The following SELE variants were observed in gnomAD, a reference collection of about 807,000 sequenced individuals.
The protein encoded by SELE is selectin E, also known as E-selectin.
In SELE, 52 loss-of-function variants were observed where a neutral mutation model predicts 75.8. The ratio of observed to expected loss-of-function variants is 0.69; its 90% CI spans 0.55 to 0.86. The LOEUF (loss-of-function observed/expected upper bound fraction) is 0.86, where lower values mean the gene tolerates loss of function less well. Among genes scored for constraint, SELE ranks in the 40% least tolerant of loss-of-function variants. The probability of loss-of-function intolerance (pLI) is 0.00; values close to 1 mark genes in which losing one functional copy is unlikely to be tolerated. For missense variants in SELE, 754 were observed against 732.7 expected (o/e 1.03, Z -0.34); for synonymous variants, 285 against 258.7 (o/e 1.10, Z -0.98).
At position 169,723,550 on chromosome 1, in the gene SELE, A is replaced by G. The variant is rs1268990753; in HGVS notation, c.*975T>C. ...TCATCGTGGAAACCACATATTTCTG[A>G]AAAAATATCTGACAATATACAAACC... On this transcript the variant is annotated 3_prime_UTR_variant, in exon 14 of 14. Transcript: ENST00000333360. The G allele has an allele frequency of 1.3e-5, 2 of 152,250 alleles. No individual in the cohort carries two copies. Among genetic ancestry groups the G allele is most frequent in the East Asian group, 1.9e-4 (1 of 5,204 alleles). The allele number at this position is 152,250 out of a possible 1,614,324, so 9.4% of individuals were successfully genotyped here.
At position 169,728,103 on chromosome 1, in the gene SELE, A is replaced by G; in HGVS notation, c.1234T>C (p.Cys412Arg). The G allele has an allele frequency of 1.2e-6, 2 of 1,614,220 alleles. No homozygotes were observed. The highest frequency in any genetic ancestry group is 2.7e-5 in the African/African-American group (2 of 75,054). ...TTGTCCCACTCCCCTGTGGGGCCAC[A>G]TTGGAGCCTTTTGGATCCCTTCAAC... ...FVLKGSKRLQ[C>R]GPTGEWDNEK... The change falls in exon 8 of 14, where the codon TGT (cysteine) becomes CGT (arginine). Residue 412 changes from cysteine to arginine, a missense_variant. Coordinates refer to ENST00000333360, the MANE Select transcript of SELE (RefSeq NM_000450.2).
Position 169,732,868 on chromosome 1 carries a change from A to G in SELE, c.168T>C (p.Ile56=), listed in dbSNP as rs1240056212. The G allele has an allele frequency of 1.9e-6, 3 of 1,614,058 alleles. No homozygotes were observed. Among genetic ancestry groups the G allele is most frequent in the Non-Finnish European group, 2.5e-6 (3 of 1,180,034 alleles). The change falls in exon 3 of 14, where the codon ATT becomes ATC. Residue 56 remains isoleucine, a synonymous_variant. Transcript: ENST00000333360. Reference sequence around the variant, plus strand: ...AGCTCAATATGGAGTTTAGGTACTCAATCTCTTCTTTGTTTTGAATTGCAA... The same window carrying G: ...AGCTCAATATGGAGTTTAGGTACTCGATCTCTTCTTTGTTTTGAATTGCAA... ...HLVAIQNKEE[I]EYLNSILSYS...
intron 4 of SELE, chr1:169,731,630 A>G (rs1357843347): frequency 8.0e-6 from 4 of 502,574 alleles, no homozygotes; most frequent in Non-Finnish European, 1.1e-5. Flanking sequence ...GAGTTAAACT[A>G]TCTTGTCAAG....
intron 5 of SELE, 112 bp downstream of exon 5, chr1:169,730,319 CA>C: frequency 2.0e-6 from 2 of 1,024,964 alleles, no homozygotes; most frequent in South Asian, 1.9e-5. Flanking sequence ...GTATTAAAAA[CA>C]AAAACAAAAA....
At chr1:169,731,479 T>C (rs1029187396) in intron 4 of SELE, 39 of 185,662 alleles carry the variant, frequency 2.1e-4, no homozygotes, top group African/African-American at 9.0e-4. Context: ...ACCACCTAGA[T>C]GAGGTGAGTA....
rs1648843651 is a variant in SELE, at chr1:169,729,068, G to T, written c.1090+118C>A. 6.1e-6 allele frequency: 5 copies of T among 819,172 alleles called. No individual in the cohort carries two copies. In the Admixed American group the frequency reaches 1.2e-4, roughly 20 times the overall value. The allele number at this position is 819,172 out of a possible 1,614,324, so 50.7% of individuals were successfully genotyped here. A position where few individuals can be genotyped will look rare whatever the true frequency, so the allele number is the denominator to read the frequency against. On this transcript the variant is annotated intron_variant, in intron 7 of 13. Transcript: ENST00000333360. ...TTTAAATGAATCTCAAAGATACGAG[G>T]GTTGCTCATCAAATCTGATTTCTAT... is the stretch of plus-strand genomic sequence containing the variant.
In SELE at chr1:169,728,105, T is replaced by C; in HGVS notation, c.1232A>G (p.Gln411Arg). Reference sequence around the variant, plus strand: ...GTCCCACTCCCCTGTGGGGCCACATTGGAGCCTTTTGGATCCCTTCAACAC... The same window carrying C: ...GTCCCACTCCCCTGTGGGGCCACATCGGAGCCTTTTGGATCCCTTCAACAC... The part of the protein sequence containing the change: ...GFVLKGSKRL[Q>R]CGPTGEWDNE... Residue 411 changes from glutamine to arginine, a missense_variant, in exon 8 of 14, where the codon CAA becomes CGA. Physicochemically the swap from Gln to Arg is conservative, Grantham distance 43. Transcript: ENST00000333360. The C allele has an allele frequency of 6.2e-7, 1 of 1,614,198 alleles. No homozygotes were observed. The highest frequency in any genetic ancestry group is 1.1e-5 in the South Asian group (1 of 91,086).
At chr1:169,729,704 A>G in intron 5 of SELE, 31 bp from the exon 6 acceptor site, 2 of 1,606,678 alleles carry the variant, frequency 1.2e-6, no homozygotes, top group Non-Finnish European at 1.7e-6. Context: ...CATGAATTTT[A>G]CAGAAGAATG....
rs1361405142 is a variant in SELE at position 169,734,005 on chromosome 1, C to T, written c.-83G>A. The T allele has an allele frequency of 4.9e-6, 1 of 205,828 alleles. No individual in the cohort carries two copies. The highest frequency in any genetic ancestry group is 9.9e-6 in the Non-Finnish European group (1 of 101,092). 12.8% of individuals were successfully genotyped at this position (205,828 alleles called of 1,614,324 possible). ...AAGCAGTTGTTCAAACACAGGATCT[C>T]TCAGGTGGGTATCACTGCTGCCTCT... On this transcript the variant is annotated 5_prime_UTR_variant, in exon 1 of 14. Transcript: ENST00000333360.
intron 6 of SELE, 56 bp downstream of exon 6, chr1:169,729,432 A>G (rs1448805177): frequency 1.9e-6 from 3 of 1,608,362 alleles, no homozygotes; most frequent in Non-Finnish European, 1.7e-6. Context: ...GCCCATTTCC[A>G]GTATGGGTTG....
chr1:169,723,683 T>C lies in SELE; in HGVS notation c.*842A>G, dbSNP rs1230294889. The C allele has an allele frequency of 3.9e-5, 6 of 152,202 alleles. No homozygotes were observed. Among genetic ancestry groups the C allele is most frequent in the African/African-American group, 1.2e-4 (5 of 41,446 alleles). The allele number at this position is 152,202 out of a possible 1,614,324, so 9.4% of individuals were successfully genotyped here. A position where few individuals can be genotyped will look rare whatever the true frequency, so the allele number is the denominator to read the frequency against. ...AACATCATGCCTTGCTAGGGGACAA[T>C]AGTTTCCCTTTTTGAAATAAATTTA... On this transcript the variant is annotated 3_prime_UTR_variant, in exon 14 of 14. Coordinates refer to ENST00000333360, the MANE Select transcript of SELE (RefSeq NM_000450.2).
At position 169,728,077 on chromosome 1, in the gene SELE, G is replaced by A. The variant is rs5365; in HGVS notation, c.1260C>T (p.Asn420=). ...CTGTACCTTCACATGTGGGCTTCTC[G>A]TTGTCCCACTCCCCTGTGGGGCCAC... ...LQCGPTGEWD[N]EKPTCEAVRC... Residue 420 remains asparagine (N), a synonymous_variant, in exon 8 of 14, where the codon AAC becomes AAT. Coordinates refer to ENST00000333360, the MANE Select transcript of SELE (RefSeq NM_000450.2). 3.5e-3 allele frequency: 5,600 copies of A among 1,612,778 alleles called. 172 individuals carry two copies. The African/African-American group carries it at 0.065, about 19-fold the overall frequency.
rs3917404 is a variant in SELE, at chr1:169,733,336, G to T, written c.37+240C>A. Among the ~76,000 whole-genome samples the T allele has an allele frequency of 1.7e-3, 262 of 152,128 alleles. 2 individuals are homozygous for T. The highest frequency in any genetic ancestry group is 6.1e-3 in the African/African-American group (252 of 41,536). On this transcript the variant is annotated intron_variant, in intron 2 of 13. Coordinates refer to ENST00000333360, the MANE Select transcript of SELE (RefSeq NM_000450.2). The stretch of plus-strand genomic sequence containing the variant: ...GGTACTTTCCATGAACCATGCTATT[G>T]AATCCTCACAATGCATCTGGGAAAT...
intron 3 of SELE, 92 bp downstream of exon 3, chr1:169,732,523 G>T (rs1325216218): frequency 4.1e-5 from 58 of 1,414,812 alleles, no homozygotes; most frequent in Non-Finnish European, 5.1e-5. Context: ...AACATAAAAT[G>T]ACCACAATAG....
In SELE at chr1:169,729,468, T is replaced by C; in HGVS notation, c.901+20A>G. 2 of 1,612,714 alleles carry C rather than the reference T, an allele frequency of 1.2e-6. No homozygotes were observed. The highest frequency in any genetic ancestry group is 1.7e-6 in the Non-Finnish European group (2 of 1,179,046). On this transcript the variant is annotated intron_variant, in intron 6 of 13. Transcript: ENST00000333360. ...AGAGAAAGAATGTTCACAGTAAGTC[T>C]CCATGTGGAACAACTCTACCTTTAC...
intron 4 of SELE, 79 bp from the exon 5 acceptor site, chr1:169,730,696 TG>T: frequency 8.4e-6 from 7 of 837,776 alleles, no homozygotes; most frequent in East Asian, 3.2e-5. Flanking sequence ...AACTACAGTT[TG>T]GTTTTTTTTT....
At position 169,723,992 on chromosome 1, in the gene SELE, C is replaced by T. The variant is rs1202223162; in HGVS notation, c.*533G>A. ...CAGTAGGATTTGCACCATTAACAACCCTCCATGCATTTGCCTGTGGGCATT... is the reference window on the plus strand; with the variant it reads ...CAGTAGGATTTGCACCATTAACAACTCTCCATGCATTTGCCTGTGGGCATT... On this transcript the variant is annotated 3_prime_UTR_variant, in exon 14 of 14. Coordinates refer to ENST00000333360, the MANE Select transcript of SELE (RefSeq NM_000450.2). 6.6e-6 allele frequency: 1 copy of T among 152,182 alleles called. No individual in the cohort carries two copies. The highest frequency in any genetic ancestry group is 1.5e-5 in the Non-Finnish European group (1 of 68,038). The allele number at this position is 152,182 out of a possible 1,614,324, so 9.4% of individuals were successfully genotyped here.
At chr1:169,724,784 A>G (rs572792263) in intron 13 of SELE, among the ~76,000 whole-genome samples, 1 of 152,352 alleles carries the variant, frequency 6.6e-6, no homozygotes, top group East Asian at 1.9e-4. Flanking sequence ...TAACACTAAT[A>G]TAAGATGTTA....
intron 2 of SELE, 34 bp from the exon 3 acceptor site, chr1:169,733,032 T>C (rs776074859): frequency 6.6e-7 from 1 of 1,517,614 alleles, no homozygotes; most frequent in Non-Finnish European, 8.8e-7. Flanking sequence ...ATGGTAGAGT[T>C]TGGTACTGTT....
Sources: allele counts gnomAD v4.1 joint callset (sites outside exome capture counted in the v4.1 genomes callset), GRCh38; gene constraint gnomAD v4.1.1; transcripts MANE v1.5; gene names NCBI Gene and HGNC (gene_info 2026-07-23, HGNC 2026-07-21).